ADAMTS12: variants seen among roughly 807,000 people sequenced by gnomAD.
The protein encoded by ADAMTS12 is A disintegrin and metalloproteinase with thrombospondin motifs 12.
A neutral mutation model predicts 167.8 loss-of-function variants in ADAMTS12; 118 were observed. That is an observed-to-expected ratio of 0.70 (90% confidence interval 0.61 to 0.82). The LOEUF is 0.82. Ranked by LOEUF, ADAMTS12 falls within the 40% of genes least tolerant of loss-of-function variation. ADAMTS12 has a pLI of 0.00. For synonymous variants in ADAMTS12, 704 were observed against 716.9 expected (o/e 0.98, Z 0.29); for missense variants, 1,916 against 1,998.8 (o/e 0.96, Z 0.79).
chr5:33,850,193 C>T (rs1749169921), intron 2 of ADAMTS12, among the ~76,000 whole-genome samples: 1 of 152,122 alleles, frequency 6.6e-6, no homozygotes, highest in African/African-American at 2.4e-5. Context: ...TGGTCCGTCA[C>T]CTGCACATCG....
At chr5:33,530,302 T>C (rs948551016) in intron 23 of ADAMTS12, among the ~76,000 whole-genome samples, 27 of 152,234 alleles carry the variant, frequency 1.8e-4, no homozygotes, top group Admixed American at 5.9e-4. Flanking sequence ...AGCATGTCTC[T>C]TGTGGAATAT....
At chr5:33,845,018 GA>G (rs372566442) in intron 2 of ADAMTS12, among the ~76,000 whole-genome samples, 200 of 152,278 alleles carry the variant, frequency 1.3e-3, no homozygotes, top group Middle Eastern at 3.4e-3. Flanking sequence ...ACTGAAAACA[GA>G]AAGTGAAACC....
intron 22 of ADAMTS12, among the ~76,000 whole-genome samples, chr5:33,545,566 G>A (rs1409368551): frequency 6.6e-6 from 1 of 152,202 alleles, no homozygotes; most frequent in Non-Finnish European, 1.5e-5. Flanking sequence ...GCACATGTAT[G>A]TTTATTGTGG....
chr5:33,720,934 T>C (rs1280296459), intron 3 of ADAMTS12, among the ~76,000 whole-genome samples: 1 of 152,200 alleles, frequency 6.6e-6, no homozygotes, highest in Non-Finnish European at 1.5e-5. Flanking sequence ...TACTAGAACA[T>C]TGATAGCAAC....
At chr5:33,672,046 C>T (rs1741718945) in intron 5 of ADAMTS12, among the ~76,000 whole-genome samples, 1 of 150,186 alleles carries the variant, frequency 6.7e-6, no homozygotes, top group South Asian at 2.1e-4. Flanking sequence ...CCCACATACT[C>T]ACATACACAC....
intron 5 of ADAMTS12, among the ~76,000 whole-genome samples, chr5:33,679,216 G>A (rs1742024679): frequency 6.6e-6 from 1 of 152,212 alleles, no homozygotes; most frequent in Non-Finnish European, 1.5e-5. Flanking sequence ...CCTCTCATAT[G>A]CATATTGTTG....
At chr5:33,745,527 C>T (rs1056093714) in intron 3 of ADAMTS12, among the ~76,000 whole-genome samples, 2 of 152,140 alleles carry the variant, frequency 1.3e-5, no homozygotes, top group Non-Finnish European at 2.9e-5. Flanking sequence ...TAGTTCAGTT[C>T]TGCAGCCTCT....
At chr5:33,689,410 C>T (rs1742468378) in intron 3 of ADAMTS12, among the ~76,000 whole-genome samples, 1 of 4,686 alleles carries the variant, frequency 2.1e-4, no homozygotes, top group Non-Finnish European at 6.6e-4. Context: ...AAAGGATCAA[C>T]TCAAAAAAAA....
chr5:33,732,008 G>A (rs765037081), intron 3 of ADAMTS12, among the ~76,000 whole-genome samples: 1 of 152,122 alleles, frequency 6.6e-6, no homozygotes, highest in Non-Finnish European at 1.5e-5. Flanking sequence ...ACCTGGAGCT[G>A]CCTTGAGAAA....
At chr5:33,872,750 C>T (rs986201977) in intron 2 of ADAMTS12, among the ~76,000 whole-genome samples, 6 of 152,136 alleles carry the variant, frequency 3.9e-5, no homozygotes, top group African/African-American at 1.4e-4. Context: ...TAATACAACA[C>T]AATCAAGTGG....
intron 5 of ADAMTS12, among the ~76,000 whole-genome samples, chr5:33,664,677 G>A (rs1247645464): frequency 6.6e-6 from 1 of 152,134 alleles, no homozygotes; most frequent in African/African-American, 2.4e-5. Flanking sequence ...TGGAGGAAAG[G>A]AAACCATTGT....
chr5:33,530,324 C>T (rs961578296), intron 23 of ADAMTS12, among the ~76,000 whole-genome samples: 1 of 152,212 alleles, frequency 6.6e-6, no homozygotes, highest in Non-Finnish European at 1.5e-5. Context: ...CCTTCCAGCT[C>T]TTCATCTCCC....
At chr5:33,659,114 G>A (rs956159754) in intron 6 of ADAMTS12, among the ~76,000 whole-genome samples, 4 of 152,266 alleles carry the variant, frequency 2.6e-5, no homozygotes, top group East Asian at 1.9e-4. Context: ...AGCAGCTAAC[G>A]GGGTTTGTGT....
intron 10 of ADAMTS12, among the ~76,000 whole-genome samples, chr5:33,642,946 A>C (rs1339282110): frequency 6.6e-6 from 1 of 152,198 alleles, no homozygotes; most frequent in African/African-American, 2.4e-5. Flanking sequence ...AACTTCAAGA[A>C]ATGCAGTCAT....
intron 3 of ADAMTS12, among the ~76,000 whole-genome samples, chr5:33,748,390 A>G (rs180880694): frequency 1.3e-5 from 2 of 152,374 alleles, no homozygotes; most frequent in African/African-American, 4.8e-5. Context: ...CTTAGCAAAC[A>G]TAAGGCTTAG....
At chr5:33,693,281 T>C (rs971149714) in intron 3 of ADAMTS12, among the ~76,000 whole-genome samples, 1 of 152,222 alleles carries the variant, frequency 6.6e-6, no homozygotes, top group Non-Finnish European at 1.5e-5. Flanking sequence ...GAATATATCA[T>C]AGAGACCTTG....
intron 18 of ADAMTS12, among the ~76,000 whole-genome samples, chr5:33,579,612 C>G (rs894441415): frequency 2.0e-5 from 3 of 152,076 alleles, no homozygotes; most frequent in Non-Finnish European, 2.9e-5. Flanking sequence ...ACTATGAAGT[C>G]AAAAAACTAT....
intron 2 of ADAMTS12, among the ~76,000 whole-genome samples, chr5:33,837,228 T>C (rs1036105074): frequency 6.6e-6 from 1 of 152,198 alleles, no homozygotes; most frequent in African/African-American, 2.4e-5. Flanking sequence ...AGACAGGACT[T>C]GAAATGTATT....
At chr5:33,790,640 G>A (rs1370242464) in intron 2 of ADAMTS12, among the ~76,000 whole-genome samples, 1 of 150,558 alleles carries the variant, frequency 6.6e-6, no homozygotes, top group Non-Finnish European at 1.5e-5. Context: ...TTTTTCTCCT[G>A]TAAATTGGTC....
Sources: gnomAD v4.1 joint callset for allele counts (sites outside exome capture counted in the v4.1 genomes callset) on GRCh38, gnomAD v4.1.1 for gene constraint, MANE v1.5 for transcripts, NCBI Gene and HGNC (gene_info 2026-07-23, HGNC 2026-07-21) for gene names.